The following MAST2 variants were observed in gnomAD, a reference collection of about 807,000 sequenced individuals.
The protein encoded by MAST2 is microtubule associated serine/threonine kinase 2.
A neutral mutation model predicts 147.4 loss-of-function variants in MAST2; 70 were observed. The ratio of observed to expected loss-of-function variants is 0.47; its 90% CI spans 0.39 to 0.58. MAST2 has a LOEUF of 0.58. Ranked by LOEUF, MAST2 falls within the 20% of genes least tolerant of loss-of-function variation. The pLI is 0.00. For missense variants in MAST2, 2,080 were observed against 2,302.3 expected (o/e 0.90, Z 1.98); for synonymous variants, 869 against 896.8 (o/e 0.97, Z 0.55).
At chr1:45,930,522 G>T (rs1338478272) in intron 4 of MAST2, among the ~76,000 whole-genome samples, 5 of 151,920 alleles carry the variant, frequency 3.3e-5, no homozygotes, top group African/African-American at 4.8e-5. Flanking sequence ...TGCATACTAG[G>T]CCCTCTGAGC....
chr1:46,017,592 GA>G (rs1304875960), intron 10 of MAST2, among the ~76,000 whole-genome samples: 1 of 152,034 alleles, frequency 6.6e-6, no homozygotes, highest in Non-Finnish European at 1.5e-5. Flanking sequence ...GGCCATCAGA[GA>G]AATGCAAATC....
chr1:45,908,098 G>T (rs1383395584), intron 4 of MAST2, among the ~76,000 whole-genome samples: 1 of 151,848 alleles, frequency 6.6e-6, no homozygotes, highest in Non-Finnish European at 1.5e-5. Context: ...TATTGTCAAA[G>T]AACCAATTTT....
At position 45,874,149 on chromosome 1, in the gene MAST2, T is replaced by G. The variant is rs143188858; in HGVS notation, c.469-8215T>G. Among the ~76,000 whole-genome samples the G allele has an allele frequency of 3.2e-3, 492 of 152,278 alleles. 3 individuals are homozygous for G. The highest frequency in any genetic ancestry group is 0.011 in the African/African-American group (459 of 41,560). Reference sequence around the variant, plus strand: ...AGTATTTTCATGTACGTTACTTTATTTGACTTTTACAACTGCTGTATCTAA... The same window carrying G: ...AGTATTTTCATGTACGTTACTTTATGTGACTTTTACAACTGCTGTATCTAA... On this transcript the variant is annotated intron_variant, in intron 3 of 28. Transcript: ENST00000361297.
At chr1:45,875,181 C>T (rs1646550567) in intron 3 of MAST2, among the ~76,000 whole-genome samples, 2 of 152,196 alleles carry the variant, frequency 1.3e-5, no homozygotes, top group South Asian at 2.1e-4. Flanking sequence ...CACGGTGGCT[C>T]ACGCCTGTAA....
intron 3 of MAST2, among the ~76,000 whole-genome samples, chr1:45,849,338 T>A (rs1286387558): frequency 6.6e-6 from 1 of 151,946 alleles, no homozygotes; most frequent in Non-Finnish European, 1.5e-5. Context: ...AACTGTACTA[T>A]AGGGATACAG....
intron 3 of MAST2, among the ~76,000 whole-genome samples, chr1:45,829,805 A>G (rs1038540089): frequency 4.0e-5 from 6 of 151,698 alleles, no homozygotes; most frequent in African/African-American, 1.2e-4. Flanking sequence ...TATTGCCTCA[A>G]CCTTCCAAGT....
intron 1 of MAST2, among the ~76,000 whole-genome samples, chr1:45,823,630 G>T (rs867360548): frequency 2.0e-5 from 3 of 152,034 alleles, no homozygotes; most frequent in Admixed American, 1.3e-4. Context: ...TACTGTACCC[G>T]GCCCAGTTAT....
intron 19 of MAST2, 73 bp from the exon 20 acceptor site, chr1:46,029,758 T>G: frequency 6.4e-7 from 1 of 1,571,222 alleles, no homozygotes; most frequent in Non-Finnish European, 8.7e-7. Context: ...AGGTCTGGCT[T>G]CTTGCTAGAT....
intron 7 of MAST2, among the ~76,000 whole-genome samples, chr1:46,003,224 A>C (rs1159128379): frequency 6.6e-6 from 1 of 152,142 alleles, no homozygotes; most frequent in Non-Finnish European, 1.5e-5. Flanking sequence ...TATTTCTAGA[A>C]CTGGAACCAA....
intron 3 of MAST2, among the ~76,000 whole-genome samples, chr1:45,868,371 A>G (rs1173799675): frequency 1.3e-5 from 2 of 152,250 alleles, no homozygotes; most frequent in Non-Finnish European, 1.5e-5. Context: ...TCTTAGTGCC[A>G]TAATTTCCAC....
intron 4 of MAST2, among the ~76,000 whole-genome samples, chr1:45,890,521 C>T (rs1647576967): frequency 6.6e-6 from 1 of 152,048 alleles, no homozygotes; most frequent in Non-Finnish European, 1.5e-5. Context: ...CTTCCTTCTC[C>T]CTCCTTCCTT....
chr1:45,986,078 T>C lies in MAST2; in HGVS notation c.593-11646T>C, dbSNP rs149015592. On this transcript the variant is annotated intron_variant, in intron 5 of 28. Coordinates refer to ENST00000361297, the MANE Select transcript of MAST2 (RefSeq NM_015112.3). ...CTGGAACTCCCAGTATAATTTTGAATAGAAATGGTAATCGTAGATATTCTT... is the reference window on the plus strand; with the variant it reads ...CTGGAACTCCCAGTATAATTTTGAACAGAAATGGTAATCGTAGATATTCTT... 4.9e-3 allele frequency among the ~76,000 whole-genome samples: 748 copies of C among 152,326 alleles called. 4 individuals are homozygous for C. The highest frequency in any genetic ancestry group is 7.5e-3 in the Non-Finnish European group (509 of 68,032).
chr1:46,020,110 C>T (rs960593530), intron 11 of MAST2, among the ~76,000 whole-genome samples: 2 of 152,192 alleles, frequency 1.3e-5, no homozygotes, highest in Non-Finnish European at 2.9e-5. Flanking sequence ...GGGATGTTTC[C>T]TCTACAGTGG....
intron 5 of MAST2, among the ~76,000 whole-genome samples, chr1:45,977,326 A>G (rs1644205924): frequency 6.6e-6 from 1 of 151,676 alleles, no homozygotes; most frequent in South Asian, 2.1e-4. Context: ...GGTCTCTACT[A>G]AAAATACAAA....
intron 16 of MAST2, among the ~76,000 whole-genome samples, chr1:46,026,333 T>G (rs1646408186): frequency 6.6e-6 from 1 of 152,164 alleles, no homozygotes; most frequent in Non-Finnish European, 1.5e-5. Context: ...AGAACAGCAC[T>G]TGTTCAGGAA....
Position 46,023,184 on chromosome 1 carries a change from T to C in MAST2, c.1486-49T>C. On this transcript the variant is annotated intron_variant, in intron 13 of 28. Transcript: ENST00000361297. This position sits in a 1 kb window ranked among gnomAD's most constrained non-coding sequence, Gnocchi z 4.9. ...TAGAGCCACAGCTTCTGCAAGGATA[T>C]GGGCTCTGAGAAGCATGCCTGTCTC... is the stretch of plus-strand genomic sequence containing the variant. 1 of 1,519,304 alleles carries C rather than the reference T, an allele frequency of 6.6e-7. No homozygotes were observed. The highest frequency in any genetic ancestry group is 9.1e-7 in the Non-Finnish European group (1 of 1,093,592). 94.1% of individuals were successfully genotyped at this position (1,519,304 alleles called of 1,614,324 possible). A position where few individuals can be genotyped will look rare whatever the true frequency, so the allele number is the denominator to read the frequency against.
chr1:45,906,790 G>A (rs1650823733), intron 4 of MAST2, among the ~76,000 whole-genome samples: 1 of 151,960 alleles, frequency 6.6e-6, no homozygotes, highest in African/African-American at 2.4e-5. Flanking sequence ...TAATGTGCTA[G>A]ATCTTTACAT....
At chr1:45,835,723 T>G (rs1645083225) in intron 3 of MAST2, among the ~76,000 whole-genome samples, 1 of 152,034 alleles carries the variant, frequency 6.6e-6, no homozygotes, top group South Asian at 2.1e-4. Flanking sequence ...CACCATCCCC[T>G]GCAAAAAAAA....
At chr1:46,022,761 G>C in intron 12 of MAST2, 149 bp from the exon 13 acceptor site, 1 of 646,734 alleles carries the variant, frequency 1.5e-6, no homozygotes, top group Admixed American at 2.6e-5. Context: ...GACTACATTG[G>C]GTATAGTGCC....
Sources: gnomAD v4.1 joint callset for allele counts (sites outside exome capture counted in the v4.1 genomes callset) on GRCh38, gnomAD v4.1.1 for gene constraint, Gnocchi (gnomAD v3.1) non-coding constraint, MANE v1.5 for transcripts, NCBI Gene and HGNC (gene_info 2026-07-23, HGNC 2026-07-21) for gene names.